The following FHIP1A variants were observed in gnomAD, a reference collection of about 807,000 sequenced individuals.
FHIP1A encodes FHF complex subunit HOOK-interacting protein 1A.
Under a neutral mutation model 88.6 loss-of-function variants are expected in FHIP1A, and 61 were observed. The observed-to-expected ratio is 0.69, with a 90% CI of 0.56 to 0.85. The LOEUF is 0.85. FHIP1A is among the 40% of genes least tolerant of loss of function. The pLI, the probability that FHIP1A is intolerant of heterozygous loss-of-function variation, is 0.00. For missense variants in FHIP1A, 1,154 were observed against 1,273.5 expected (o/e 0.91, Z 1.43); for synonymous variants, 478 against 496.0 (o/e 0.96, Z 0.48).
intron 7 of FHIP1A, among the ~76,000 whole-genome samples, chr4:151,625,259 T>C (rs570687683): frequency 1.1e-4 from 16 of 152,150 alleles, no homozygotes; most frequent in Non-Finnish European, 2.4e-4. Flanking sequence ...GAACCAGCAG[T>C]TAGCTAGTTT....
At chr4:151,609,427 C>G (rs1259227565) in intron 7 of FHIP1A, among the ~76,000 whole-genome samples, 1 of 152,124 alleles carries the variant, frequency 6.6e-6, no homozygotes, top group African/African-American at 2.4e-5. Flanking sequence ...TTCTCTTCAT[C>G]CACATGTAGA....
At chr4:151,500,189 T>C (rs964636791) in intron 3 of FHIP1A, among the ~76,000 whole-genome samples, 1 of 152,080 alleles carries the variant, frequency 6.6e-6, no homozygotes, top group Non-Finnish European at 1.5e-5. Context: ...TCAGAGGACA[T>C]GGGGAAATTT....
chr4:151,427,325 G>T (rs754178646), intron 1 of FHIP1A, among the ~76,000 whole-genome samples: 1 of 152,026 alleles, frequency 6.6e-6, no homozygotes, highest in Non-Finnish European at 1.5e-5. Context: ...CAAATCAAAA[G>T]CTTCATTTTG....
At position 151,586,722 on chromosome 4, in the gene FHIP1A, C is replaced by T; in HGVS notation, c.814C>T (p.Leu272=). 6.4e-7 allele frequency: 1 copy of T among 1,551,408 alleles called. No homozygotes were observed. Among genetic ancestry groups the T allele is most frequent in the South Asian group, 1.2e-5 (1 of 84,030 alleles). ...GAAAGGCGAGGAATGGCACTGCCTT[C>T]TGAAAGATGACTGGCTTCTACTTCC... ...EEKGEEWHCL[L]KDDWLLLPSL... The change falls in exon 6 of 14, where the codon CTG becomes TTG. Residue 272 remains leucine (L), a synonymous_variant. Transcript: ENST00000435205.
At chr4:151,597,878 C>T (rs1486629033) in intron 7 of FHIP1A, among the ~76,000 whole-genome samples, 2 of 152,158 alleles carry the variant, frequency 1.3e-5, no homozygotes, top group African/African-American at 4.8e-5. Context: ...ATGCCCCTCC[C>T]CGCACCAAGC....
chr4:151,465,128 G>A (rs1044534234), intron 2 of FHIP1A, among the ~76,000 whole-genome samples: 1 of 152,114 alleles, frequency 6.6e-6, no homozygotes, highest in Non-Finnish European at 1.5e-5. Context: ...CCAGAAGTCC[G>A]TGGCTGCAAT....
At chr4:151,574,370 T>A (rs550910995) in intron 4 of FHIP1A, among the ~76,000 whole-genome samples, 2 of 152,336 alleles carry the variant, frequency 1.3e-5, no homozygotes, top group South Asian at 2.1e-4. Flanking sequence ...GTTCTCTTTT[T>A]AAAGTTTTTC....
At chr4:151,655,614 G>T (rs1737201816) in intron 11 of FHIP1A, among the ~76,000 whole-genome samples, 1 of 152,006 alleles carries the variant, frequency 6.6e-6, no homozygotes, top group South Asian at 2.1e-4. Flanking sequence ...TATAAGCAGG[G>T]GCTCCTCCAC....
intron 1 of FHIP1A, among the ~76,000 whole-genome samples, chr4:151,434,267 C>T (rs1391106113): frequency 1.3e-5 from 2 of 152,100 alleles, no homozygotes; most frequent in African/African-American, 4.8e-5. Context: ...ATATGCATTT[C>T]TCATAAGCTA....
At chr4:151,439,426 T>G (rs1454397881) in intron 1 of FHIP1A, among the ~76,000 whole-genome samples, 1 of 152,160 alleles carries the variant, frequency 6.6e-6, no homozygotes, top group Non-Finnish European at 1.5e-5. Flanking sequence ...AAAAAGTTTT[T>G]TTTTTTCATT....
chr4:151,492,907 A>G (rs1730336294), intron 3 of FHIP1A, among the ~76,000 whole-genome samples: 1 of 152,180 alleles, frequency 6.6e-6, no homozygotes, highest in Non-Finnish European at 1.5e-5. Flanking sequence ...TAGATAATCT[A>G]AGGTCACTTC....
intron 4 of FHIP1A, among the ~76,000 whole-genome samples, chr4:151,574,690 A>G (rs534351144): frequency 1.3e-5 from 2 of 152,272 alleles, no homozygotes; most frequent in African/African-American, 4.8e-5. Flanking sequence ...TTATGAAATT[A>G]GGTAAACTTA....
chr4:151,543,001 G>C (rs1211665897), intron 3 of FHIP1A, among the ~76,000 whole-genome samples: 1 of 152,118 alleles, frequency 6.6e-6, no homozygotes, highest in Non-Finnish European at 1.5e-5. Context: ...TTATTATGTT[G>C]CCTAAAATGC....
At chr4:151,590,076 A>G (rs548295302) in intron 7 of FHIP1A, among the ~76,000 whole-genome samples, 1 of 152,360 alleles carries the variant, frequency 6.6e-6, no homozygotes, top group East Asian at 1.9e-4. Flanking sequence ...TTTCTAGGTT[A>G]ACTTTATGTT....
intron 5 of FHIP1A, among the ~76,000 whole-genome samples, chr4:151,583,127 G>T (rs1172168153): frequency 6.6e-6 from 1 of 152,190 alleles, no homozygotes; most frequent in Non-Finnish European, 1.5e-5. Context: ...CACAGTCTGT[G>T]TTCTAGAAAT....
At chr4:151,528,732 T>C (rs532249446) in intron 3 of FHIP1A, among the ~76,000 whole-genome samples, 1 of 152,280 alleles carries the variant, frequency 6.6e-6, no homozygotes, top group Non-Finnish European at 1.5e-5. Flanking sequence ...GGGTGTTGAA[T>C]AGTCTTTCTT....
In FHIP1A at chr4:151,530,087, G is replaced by T. The variant is rs80110631; in HGVS notation, c.-122-36051G>T. Among the ~76,000 whole-genome samples, 1,394 of 152,216 alleles carry T rather than the reference G, an allele frequency of 9.2e-3. 19 individuals are homozygous for T. The highest frequency in any genetic ancestry group is 0.031 in the African/African-American group (1,302 of 41,536). On this transcript the variant is annotated intron_variant, in intron 3 of 13. Coordinates refer to ENST00000435205, the MANE Select transcript of FHIP1A (RefSeq NM_001109977.3). Reference sequence around the variant, plus strand: ...AGTTTGCGTTTATTGAAAATAAGTCGTTCGAACTCAATGCTCTGGAGTCAA... The same window carrying T: ...AGTTTGCGTTTATTGAAAATAAGTCTTTCGAACTCAATGCTCTGGAGTCAA...
intron 3 of FHIP1A, among the ~76,000 whole-genome samples, chr4:151,563,509 G>T (rs1284380013): frequency 6.6e-6 from 1 of 152,136 alleles, no homozygotes; most frequent in African/African-American, 2.4e-5. Context: ...ACGTACCTTA[G>T]ACTGAAGAGT....
At chr4:151,410,693 C>T (rs993926315) in intron 1 of FHIP1A, among the ~76,000 whole-genome samples, 27 of 152,154 alleles carry the variant, frequency 1.8e-4, no homozygotes, top group African/African-American at 6.0e-4. Flanking sequence ...CTGAAGTCCA[C>T]GTTTGGAGAA....
Sources: gnomAD v4.1 joint callset for allele counts (sites outside exome capture counted in the v4.1 genomes callset) on GRCh38, gnomAD v4.1.1 for gene constraint, MANE v1.5 for transcripts, NCBI Gene and HGNC (gene_info 2026-07-23, HGNC 2026-07-21) for gene names.